LONP2: variants seen among roughly 807,000 people sequenced by gnomAD.
LONP2 encodes lon peptidase 2, peroxisomal.
LONP2 carries 60 observed loss-of-function variants against 85.6 expected under a neutral mutation model. The observed-to-expected ratio is 0.70, with a 90% confidence interval of 0.57 to 0.87. The LOEUF is 0.87. Ranked by LOEUF, LONP2 falls within the 40% of genes least tolerant of loss-of-function variation. LONP2 has a pLI of 0.00. For missense variants in LONP2, 860 were observed against 1,063.5 expected (o/e 0.81, Z 2.66); for synonymous variants, 395 against 389.7 (o/e 1.01, Z -0.16).
intron 9 of LONP2, 37 bp from the exon 10 acceptor site, chr16:48,299,625 T>C: frequency 6.3e-7 from 1 of 1,582,510 alleles, no homozygotes. Flanking sequence ...ATGGGAGCCA[T>C]GTAAATAATT....
chr16:48,324,549 ATTTG>A (rs1167686054), intron 11 of LONP2, among the ~76,000 whole-genome samples: 1 of 152,246 alleles, frequency 6.6e-6, no homozygotes, highest in Non-Finnish European at 1.5e-5. Context: ...GATTAAAAAT[ATTTG>A]TTTACTTGAC....
intron 7 of LONP2, among the ~76,000 whole-genome samples, chr16:48,275,425 C>G (rs1001711542): frequency 1.3e-5 from 2 of 152,158 alleles, no homozygotes; most frequent in Non-Finnish European, 2.9e-5. Context: ...GACCCCGTCT[C>G]TGTCATAAAA....
rs1389506412 is a variant in LONP2 at position 48,351,937 on chromosome 16, C to G, written c.*135C>G. The G allele has an allele frequency of 1.5e-6, 1 of 648,174 alleles. No homozygotes were observed. Among genetic ancestry groups the G allele is most frequent in the African/African-American group, 1.8e-5 (1 of 54,652 alleles). The allele number at this position is 648,174 out of a possible 1,614,324, so 40.2% of individuals were successfully genotyped here. ...ACATAATCACAACAGTAATAAACCT[C>G]AAGTAGTGGCTAGTGTTTAGTATAG... On this transcript the variant is annotated 3_prime_UTR_variant, in exon 15 of 15. Transcript: ENST00000285737.
At chr16:48,288,105 G>C (rs1567324561) in intron 8 of LONP2, among the ~76,000 whole-genome samples, 1 of 150,564 alleles carries the variant, frequency 6.6e-6, no homozygotes, top group Non-Finnish European at 1.5e-5. Context: ...GTCTGCACCA[G>C]TAGTAATATA....
rs532243634 is a variant in LONP2 at position 48,319,111 on chromosome 16, G to C, written c.1796-15105G>C. Among the ~76,000 whole-genome samples the C allele has an allele frequency of 4.6e-5, 7 of 152,138 alleles. 1 individual carries two copies. The highest frequency in any genetic ancestry group is 1.7e-4 in the African/African-American group (7 of 41,508). ...AGTAACCTCTGTGGCCAGACATGGT[G>C]ACTAATGCCTGTAATCCTGGCACTT... On this transcript the variant is annotated intron_variant, in intron 11 of 14. Coordinates refer to ENST00000285737, the MANE Select transcript of LONP2 (RefSeq NM_031490.5).
At chr16:48,284,981 G>T (rs1451553554) in intron 8 of LONP2, among the ~76,000 whole-genome samples, 4 of 152,130 alleles carry the variant, frequency 2.6e-5, no homozygotes, top group Non-Finnish European at 5.9e-5. Flanking sequence ...ATTTCTTTGT[G>T]TGGATACTGT....
chr16:48,271,692 G>C (rs992357378), intron 7 of LONP2, among the ~76,000 whole-genome samples: 2 of 151,900 alleles, frequency 1.3e-5, no homozygotes, highest in African/African-American at 2.4e-5. Context: ...GAACAGCCTG[G>C]GCAACTTGGT....
rs542788398 is a variant in LONP2 at position 48,286,165 on chromosome 16, G to T, written c.1383+8686G>T. ...ATCTTTTTTTTTTTTTTTTTGAGAC[G>T]GAGTCTCACCATGTTGCCCAGGCTG... is the stretch of plus-strand genomic sequence containing the variant. On this transcript the variant is annotated intron_variant, in intron 8 of 14. Coordinates refer to ENST00000285737, the MANE Select transcript of LONP2 (RefSeq NM_031490.5). 4.2e-5 allele frequency among the ~76,000 whole-genome samples: 6 copies of T among 141,802 alleles called. No individual in the cohort carries two copies. The East Asian group carries it at 1.0e-3, about 24-fold the overall frequency. The allele number at this position is 141,802 out of a possible 152,430, so 93.0% of individuals were successfully genotyped here. A position where few individuals can be genotyped will look rare whatever the true frequency, so the allele number is the denominator to read the frequency against.
intron 13 of LONP2, 76 bp from the exon 14 acceptor site, chr16:48,348,024 T>G: frequency 7.4e-7 from 1 of 1,349,952 alleles, no homozygotes; most frequent in South Asian, 1.3e-5. Flanking sequence ...TCATTTTTGT[T>G]TGTGACTTTT....
At chr16:48,274,222 C>T (rs993777496) in intron 7 of LONP2, among the ~76,000 whole-genome samples, 1 of 152,116 alleles carries the variant, frequency 6.6e-6, no homozygotes, top group Non-Finnish European at 1.5e-5. Context: ...AAACTGACCA[C>T]CTATTGTGCT....
At position 48,353,895 on chromosome 16, in the gene LONP2, T is replaced by TATC. The variant is rs1960236581; in HGVS notation, c.*2094_*2096dup. On this transcript the variant is annotated 3_prime_UTR_variant, in exon 15 of 15. Transcript: ENST00000285737. Reference sequence around the variant, plus strand: ...AGCAGGAGGGCACTTGCTTTAAGCATATCTTTCGAAAGGCATCCATTGAGA... The same window carrying TATC: ...AGCAGGAGGGCACTTGCTTTAAGCATATCATCTTTCGAAAGGCATCCATTGAGA... 1 of 152,090 alleles carries TATC rather than the reference T, an allele frequency of 6.6e-6. No individual in the cohort carries two copies. Among genetic ancestry groups the TATC allele is most frequent in the African/African-American group, 2.4e-5 (1 of 41,402 alleles). 9.4% of individuals were successfully genotyped at this position (152,090 alleles called of 1,614,324 possible). A position where few individuals can be genotyped will look rare whatever the true frequency, so the allele number is the denominator to read the frequency against.
chr16:48,295,929 G>T, intron 8 of LONP2, 86 bp from the exon 9 acceptor site: 2 of 1,251,528 alleles, frequency 1.6e-6, no homozygotes, highest in Non-Finnish European at 2.3e-6. Flanking sequence ...TACCAACCTT[G>T]CCAGTACATC....
chr16:48,339,370 G>T (rs1959750299), intron 12 of LONP2, among the ~76,000 whole-genome samples: 1 of 152,186 alleles, frequency 6.6e-6, no homozygotes, highest in Non-Finnish European at 1.5e-5. Context: ...CATGAAGGTT[G>T]TTGGTGACCT....
chr16:48,294,178 T>C (rs964268007), intron 8 of LONP2, among the ~76,000 whole-genome samples: 1 of 152,092 alleles, frequency 6.6e-6, no homozygotes, highest in African/African-American at 2.4e-5. Context: ...TGACCTCAAC[T>C]GATCTGCCTG....
At chr16:48,279,134 AAG>A (rs1238545763) in intron 8 of LONP2, among the ~76,000 whole-genome samples, 8 of 152,284 alleles carry the variant, frequency 5.3e-5, no homozygotes, top group South Asian at 4.1e-4. Flanking sequence ...TAAAAAGAAA[AAG>A]AAAAAAATTA....
intron 14 of LONP2, among the ~76,000 whole-genome samples, chr16:48,351,374 C>G (rs542179055): frequency 1.8e-4 from 28 of 152,272 alleles, no homozygotes; most frequent in Admixed American, 3.9e-4. Context: ...TCATCAGAGT[C>G]TTTAATATAA....
intron 3 of LONP2, among the ~76,000 whole-genome samples, chr16:48,258,026 C>CTG (rs758898667): frequency 2.0e-5 from 3 of 152,200 alleles, no homozygotes; most frequent in Non-Finnish European, 4.4e-5. Flanking sequence ...TTGACGTCAA[C>CTG]TGTGTGTCTG....
At position 48,334,364 on chromosome 16, in the gene LONP2, T is replaced by C. The variant is rs1959572227; in HGVS notation, c.1938+6T>C. 6.2e-7 allele frequency: 1 copy of C among 1,614,022 alleles called. No individual in the cohort carries two copies. The highest frequency in any genetic ancestry group is 1.1e-5 in the South Asian group (1 of 91,084). ...CCCCGATGTATGAAATGGAGGTGAT[T>C]CATTCTTTTTATTTCTTTTTGCTCC... On this transcript the variant is annotated splice_donor_region_variant and intron_variant, in intron 12 of 14. Transcript: ENST00000285737.
intron 14 of LONP2, among the ~76,000 whole-genome samples, chr16:48,348,597 C>T (rs1056392273): frequency 1.3e-5 from 2 of 149,768 alleles, no homozygotes; most frequent in African/African-American, 2.5e-5. Flanking sequence ...TGGGCTCAAG[C>T]GATCCTCCTG....
Sources: gnomAD v4.1 joint callset for allele counts (sites outside exome capture counted in the v4.1 genomes callset) on GRCh38, gnomAD v4.1.1 for gene constraint, MANE v1.5 for transcripts, NCBI Gene and HGNC (gene_info 2026-07-23, HGNC 2026-07-21) for gene names.